RIMS2: variants seen among roughly 807,000 people sequenced by gnomAD.
RIMS2 encodes regulating synaptic membrane exocytosis protein 2.
In RIMS2, 59 loss-of-function variants were observed where a neutral mutation model predicts 174.4. That is an observed-to-expected ratio of 0.34 (90% CI 0.27 to 0.42). RIMS2 has a LOEUF of 0.42. RIMS2 is among the 10% of genes least tolerant of loss of function. The pLI, the probability that RIMS2 is intolerant of heterozygous loss-of-function variation, is 1.00. For missense variants in RIMS2, 1,620 were observed against 1,666.3 expected, an observed-to-expected ratio of 0.97 and a Z score of 0.48; for synonymous variants, 606 against 572.5, an observed-to-expected ratio of 1.06 and a Z score of -0.84.
intron 19 of RIMS2, among the ~76,000 whole-genome samples, chr8:104,066,525 G>T (rs1007273203): frequency 6.6e-6 from 1 of 151,942 alleles, no homozygotes; most frequent in African/African-American, 2.4e-5. Context: ...GTAATGTTGG[G>T]CTCATTTTTT....
chr8:103,576,635 G>T (rs967219086), intron 1 of RIMS2, among the ~76,000 whole-genome samples: 1 of 152,084 alleles, frequency 6.6e-6, no homozygotes, highest in African/African-American at 2.4e-5. Context: ...TAAGTAAAAA[G>T]AACAAAGCTA....
rs1425306996 is a variant in RIMS2, at chr8:103,629,353, C to T, written c.177-67733C>T. On this transcript the variant is annotated intron_variant, in intron 1 of 23. Transcript: ENST00000504942. Reference sequence around the variant, plus strand: ...ATGAAGCTGACCAAAATCAAAACAGCAAACGCTTTAAGAACTCAGCAGTGG... The same window carrying T: ...ATGAAGCTGACCAAAATCAAAACAGTAAACGCTTTAAGAACTCAGCAGTGG... Among the ~76,000 whole-genome samples, 6 of 152,328 alleles carry T rather than the reference C, an allele frequency of 3.9e-5. No individual in the cohort carries two copies. The East Asian group carries it at 9.6e-4, about 24-fold the overall frequency.
chr8:104,171,690 T>A (rs56166218), intron 19 of RIMS2, among the ~76,000 whole-genome samples: 5,726 of 152,190 alleles, frequency 0.038, 154 homozygotes, highest in Non-Finnish European at 0.053. Context: ...GCGAGTATGA[T>A]CTTTTGGTGG....
intron 1 of RIMS2, among the ~76,000 whole-genome samples, chr8:103,662,391 ATTG>A (rs1589878023): frequency 6.6e-6 from 1 of 152,234 alleles, no homozygotes; most frequent in Admixed American, 6.5e-5. Context: ...AAATGTAAAT[ATTG>A]TTATCAGAGT....
chr8:103,775,455 ATTTC>A (rs2098303780), intron 3 of RIMS2, among the ~76,000 whole-genome samples: 2 of 152,120 alleles, frequency 1.3e-5, no homozygotes, highest in Non-Finnish European at 1.5e-5. Context: ...ATTCCTAGAT[ATTTC>A]TTCTTATACT....
chr8:104,033,310 A>T (rs1300356025), intron 19 of RIMS2, among the ~76,000 whole-genome samples: 1 of 151,980 alleles, frequency 6.6e-6, no homozygotes, highest in East Asian at 1.9e-4. Flanking sequence ...TTATGTTATG[A>T]TTTATATATC....
chr8:103,946,903 A>G (rs2083938844), intron 14 of RIMS2, among the ~76,000 whole-genome samples: 2 of 152,218 alleles, frequency 1.3e-5, no homozygotes, highest in Admixed American at 6.5e-5. Flanking sequence ...ATAGACCTAT[A>G]GATAAATTGA....
At chr8:103,902,729 C>T (rs1230064992) in intron 4 of RIMS2, among the ~76,000 whole-genome samples, 4 of 152,192 alleles carry the variant, frequency 2.6e-5, no homozygotes, top group African/African-American at 4.8e-5. Context: ...GACACTTGTC[C>T]TCTGAGAAAT....
At chr8:103,825,965 T>C (rs2098787972) in intron 3 of RIMS2, among the ~76,000 whole-genome samples, 1 of 152,184 alleles carries the variant, frequency 6.6e-6, no homozygotes, top group South Asian at 2.1e-4. Flanking sequence ...GTCATTCTGG[T>C]AAGTTTATAG....
At chr8:103,692,142 G>T (rs1013921654) in intron 1 of RIMS2, among the ~76,000 whole-genome samples, 2 of 152,098 alleles carry the variant, frequency 1.3e-5, no homozygotes, top group Non-Finnish European at 2.9e-5. Flanking sequence ...ATGAGACTGC[G>T]CTGGGTCAGA....
At chr8:103,696,885 A>AAAAAAAAC (rs1554753422) in intron 1 of RIMS2, among the ~76,000 whole-genome samples, 11 of 136,870 alleles carry the variant, frequency 8.0e-5, no homozygotes, top group Non-Finnish European at 1.3e-4. Flanking sequence ...AAAAAAAAAA[A>AAAAAAAAC]GAAGGTAGAA....
chr8:103,999,268 G>C (rs555191784), intron 17 of RIMS2, among the ~76,000 whole-genome samples: 11 of 151,716 alleles, frequency 7.3e-5, no homozygotes, highest in African/African-American at 2.7e-4. Context: ...ATTTATGTGG[G>C]TTAATGTGAA....
At position 104,153,644 on chromosome 8, in the gene RIMS2, A is replaced by G. The variant is rs191666987; in HGVS notation, c.3335-91272A>G. On this transcript the variant is annotated intron_variant, in intron 19 of 23. Transcript: ENST00000504942. ...TGTAATTTAGGAGTAATCCGCGGGT[A>G]GCATTTGAAGCCATAGAACTGGATA... Among the ~76,000 whole-genome samples, 458 of 152,294 alleles carry G rather than the reference A, an allele frequency of 3.0e-3. 6 individuals carry two copies. Among genetic ancestry groups the G allele is most frequent in the Non-Finnish European group, 1.2e-3 (82 of 68,012 alleles).
chr8:103,975,372 T>A, exon 16 of RIMS2: 1 of 1,612,756 alleles, frequency 6.2e-7, no homozygotes, highest in Non-Finnish European at 8.5e-7. Context: ...ATGGTCGAGA[T>A]CTTCAAAGCT....
At chr8:104,182,404 T>C (rs1350827611) in intron 19 of RIMS2, among the ~76,000 whole-genome samples, 3 of 151,826 alleles carry the variant, frequency 2.0e-5, no homozygotes, top group Non-Finnish European at 4.4e-5. Flanking sequence ...TATCTGCATA[T>C]TTAAAATGTA....
intron 1 of RIMS2, among the ~76,000 whole-genome samples, chr8:103,577,449 C>T (rs1464176174): frequency 6.6e-6 from 1 of 152,082 alleles, no homozygotes. Flanking sequence ...GGGAACATCA[C>T]ACGCCGGGGC....
At chr8:104,211,849 G>A (rs1297948242) in intron 19 of RIMS2, among the ~76,000 whole-genome samples, 1 of 152,160 alleles carries the variant, frequency 6.6e-6, no homozygotes, top group Non-Finnish European at 1.5e-5. Context: ...GCTGCTTTAT[G>A]AGGAATATCT....
At chr8:103,688,359 T>G (rs1319724051) in intron 1 of RIMS2, among the ~76,000 whole-genome samples, 2 of 152,112 alleles carry the variant, frequency 1.3e-5, no homozygotes, top group Non-Finnish European at 1.5e-5. Context: ...GATCATACAG[T>G]TTGTGTACTT....
chr8:104,199,797 C>T (rs1375307038), intron 19 of RIMS2, among the ~76,000 whole-genome samples: 1 of 152,038 alleles, frequency 6.6e-6, no homozygotes, highest in Non-Finnish European at 1.5e-5. Context: ...GGACCATAAG[C>T]CTAGGGTTGG....
Sources: gnomAD v4.1 joint callset for allele counts (sites outside exome capture counted in the v4.1 genomes callset) on GRCh38, gnomAD v4.1.1 for gene constraint, MANE v1.5 for transcripts, NCBI Gene and HGNC (gene_info 2026-07-23, HGNC 2026-07-21) for gene names.